The following WDR62 variants were observed in gnomAD, a reference collection of about 807,000 sequenced individuals.
WDR62 encodes WD repeat domain 62.
Under a neutral mutation model 160.6 loss-of-function variants are expected in WDR62, and 112 were observed. The observed-to-expected ratio is 0.70, with a 90% CI of 0.60 to 0.82. The LOEUF is 0.82. Ranked by LOEUF, WDR62 falls within the 40% of genes least tolerant of loss-of-function variation. The pLI, the probability that WDR62 is intolerant of heterozygous loss-of-function variation, is 0.00. For missense variants in WDR62, 1,819 were observed against 1,983.8 expected (o/e 0.92, Z 1.58); for synonymous variants, 792 against 815.1 (o/e 0.97, Z 0.48).
intron 9 of WDR62, among the ~76,000 whole-genome samples, chr19:36,075,737 T>C (rs1971540488): frequency 1.3e-5 from 2 of 152,246 alleles, no homozygotes; most frequent in Admixed American, 6.5e-5. Flanking sequence ...TGAGCCACTG[T>C]GCCTGGCCTG....
chr19:36,057,667 A>G (rs1189460696), intron 1 of WDR62, among the ~76,000 whole-genome samples: 15 of 152,150 alleles, frequency 9.9e-5, no homozygotes, highest in Admixed American at 9.8e-4. Flanking sequence ...GGCATGGGCC[A>G]CCACACCTGA....
At chr19:36,062,952 AT>A (rs59704929) in intron 3 of WDR62, among the ~76,000 whole-genome samples, 23 of 146,294 alleles carry the variant, frequency 1.6e-4, no homozygotes, top group East Asian at 4.0e-4. Context: ...GGATCTTGAC[AT>A]TTTTTTTTTT....
At position 36,082,800 on chromosome 19, in the gene WDR62, A is replaced by G. The variant is rs118160850; in HGVS notation, c.1372-263A>G. On this transcript the variant is annotated intron_variant, in intron 10 of 31. Coordinates refer to ENST00000401500, the MANE Select transcript of WDR62 (RefSeq NM_001083961.2). ...CAGTGTGGCTATGGGGGCTCCTGCTATCATATCTGAGTTCCAGGCTGCAGG... is the reference window on the plus strand; with the variant it reads ...CAGTGTGGCTATGGGGGCTCCTGCTGTCATATCTGAGTTCCAGGCTGCAGG... 0.013 allele frequency among the ~76,000 whole-genome samples: 2,049 copies of G among 152,308 alleles called. 22 individuals carry two copies. The highest frequency in any genetic ancestry group is 0.031 in the Middle Eastern group (9 of 294).
chr19:36,100,861 C>A lies in WDR62; in HGVS notation c.2853C>A (p.Val951=). Reference sequence around the variant, plus strand: ...ACTCTCTGGAGGCAGAAGTGACAGTCACAGGGACAGACAGGTGGGTGTCCT... The same window carrying A: ...ACTCTCTGGAGGCAGAAGTGACAGTAACAGGGACAGACAGGTGGGTGTCCT... ...ILYSLEAEVT[V]TGTDSQYCRK... is the part of the protein sequence containing the mutation. Residue 951 remains valine, a synonymous_variant, in exon 23 of 32, where the codon GTC becomes GTA. Coordinates refer to ENST00000401500, the MANE Select transcript of WDR62 (RefSeq NM_001083961.2). 6.2e-7 allele frequency: 1 copy of A among 1,614,210 alleles called. No individual in the cohort carries two copies. The highest frequency in any genetic ancestry group is 8.5e-7 in the Non-Finnish European group (1 of 1,180,030).
chr19:36,082,721 G>C (rs1971971125), intron 10 of WDR62, among the ~76,000 whole-genome samples: 1 of 152,204 alleles, frequency 6.6e-6, no homozygotes, highest in South Asian at 2.1e-4. Flanking sequence ...GGATCCAAGG[G>C]CCTTCCAGCT....
chr19:36,104,134 G>T lies in WDR62; in HGVS notation c.4153+153G>T, dbSNP rs62111360. Among the ~76,000 whole-genome samples, 15,624 of 152,234 alleles carry T rather than the reference G, an allele frequency of 0.1. 903 individuals carry two copies. The highest frequency in any genetic ancestry group is 0.24 in the Middle Eastern group (72 of 294). The stretch of plus-strand genomic sequence containing the variant: ...AAATATTTAATGAGCATTACATGTT[G>T]GGCTTTGTGCTAAACCCTGGGACAT... On this transcript the variant is annotated intron_variant, in intron 30 of 31. Coordinates refer to ENST00000401500, the MANE Select transcript of WDR62 (RefSeq NM_001083961.2).
chr19:36,055,220 T>C lies in WDR62; in HGVS notation c.177+72T>C, dbSNP rs1970291836. ...TTTCCCCTAGTCCCGTCCTGAGAAC[T>C]GTGGCCCCGACATCAGCCCCCGGCC... On this transcript the variant is annotated intron_variant, in intron 1 of 31. Transcript: ENST00000401500. 4 of 1,520,018 alleles carry C rather than the reference T, an allele frequency of 2.6e-6. No individual in the cohort carries two copies. In the Admixed American group the frequency reaches 7.8e-5, roughly 30 times the overall value. The allele number at this position is 1,520,018 out of a possible 1,614,324, so 94.2% of individuals were successfully genotyped here.
intron 9 of WDR62, among the ~76,000 whole-genome samples, chr19:36,076,508 A>G (rs913902301): frequency 2.6e-5 from 4 of 151,828 alleles, no homozygotes; most frequent in African/African-American, 4.8e-5. Context: ...CAGTAAGCCA[A>G]GATCAAGCCA....
In WDR62 at chr19:36,064,826, C is replaced by A. The variant is rs765665645; in HGVS notation, c.333-1132C>A. ...TTCCTGACCTCAAGTGAACCACCCACCCCTCTGCCTCCCAAAGTGCTGGGA... is the reference window on the plus strand; with the variant it reads ...TTCCTGACCTCAAGTGAACCACCCAACCCTCTGCCTCCCAAAGTGCTGGGA... On this transcript the variant is annotated intron_variant, in intron 3 of 31. Coordinates refer to ENST00000401500, the MANE Select transcript of WDR62 (RefSeq NM_001083961.2). 1.1e-4 allele frequency among the ~76,000 whole-genome samples: 16 copies of A among 152,182 alleles called. No individual in the cohort carries two copies. The South Asian group carries it at 1.9e-3, about 18-fold the overall frequency.
In WDR62 at chr19:36,055,160, C is replaced by T; in HGVS notation, c.177+12C>T. The T allele has an allele frequency of 6.2e-7, 1 of 1,603,632 alleles. No individual in the cohort carries two copies. Among genetic ancestry groups the T allele is most frequent in the Middle Eastern group, 1.7e-4 (1 of 6,026 alleles). On this transcript the variant is annotated intron_variant, in intron 1 of 31. Transcript: ENST00000401500. Reference sequence around the variant, plus strand: ...CGGTGCAGAACCGGGTGAGAAGCTGCTCGCCATGTCTACCCCAGTTCCAGG... The same window carrying T: ...CGGTGCAGAACCGGGTGAGAAGCTGTTCGCCATGTCTACCCCAGTTCCAGG...
chr19:36,086,633 G>C (rs1328171203), intron 12 of WDR62, 54 bp from the exon 13 acceptor site: 2 of 1,562,168 alleles, frequency 1.3e-6, no homozygotes, highest in African/African-American at 2.7e-5. Flanking sequence ...CCTTCTGGGA[G>C]GCCAGGGCAC....
intron 20 of WDR62, among the ~76,000 whole-genome samples, 159 bp from the exon 21 acceptor site, chr19:36,096,868 G>A (rs1972998114): frequency 2.6e-5 from 4 of 152,150 alleles, no homozygotes; most frequent in South Asian, 4.1e-4. Flanking sequence ...GTCAAATATC[G>A]CATCCCACGG....
chr19:36,101,346 G>A, intron 24 of WDR62, 29 bp downstream of exon 24: 2 of 1,578,060 alleles, frequency 1.3e-6, no homozygotes, highest in African/African-American at 2.7e-5. Flanking sequence ...GGGACCCTGT[G>A]ACAGTCTGTG....
rs2145550956 is a variant in WDR62 at position 36,062,458 on chromosome 19, TG to T, written c.332+2432del. The T allele has an allele frequency of 2.0e-5, 3 of 151,854 alleles. No homozygotes were observed. In the East Asian group the frequency reaches 5.8e-4, roughly 29 times the overall value. 9.4% of individuals were successfully genotyped at this position (151,854 alleles called of 1,614,324 possible). On this transcript the variant is annotated intron_variant, in intron 3 of 31. Coordinates refer to ENST00000401500, the MANE Select transcript of WDR62 (RefSeq NM_001083961.2). ...TGAGGTCAGGAGTTTGAGACCAGCC[TG>T]GGGAACATGGCAAAACCCTGTCTCT...
intron 13 of WDR62, among the ~76,000 whole-genome samples, chr19:36,087,945 A>G (rs1972351307): frequency 6.6e-6 from 1 of 152,250 alleles, no homozygotes; most frequent in Non-Finnish European, 1.5e-5. Flanking sequence ...TCATGGTCGT[A>G]ATATTGTTAA....
chr19:36,081,714 C>T (rs962033447), intron 10 of WDR62, 144 bp downstream of exon 10: 1 of 958,642 alleles, frequency 1.0e-6, no homozygotes, highest in African/African-American at 1.6e-5. Flanking sequence ...AGGTCCCTCT[C>T]TGCATCACTG....
intron 16 of WDR62, 35 bp from the exon 17 acceptor site, chr19:36,091,165 C>G (rs200799935): frequency 1.9e-6 from 3 of 1,577,904 alleles, no homozygotes; most frequent in African/African-American, 2.7e-5. Context: ...AAGAAGCAGG[C>G]AGCTGGAGTG....
intron 3 of WDR62, among the ~76,000 whole-genome samples, chr19:36,064,140 G>A (rs1009083979): frequency 2.0e-5 from 3 of 152,224 alleles, no homozygotes; most frequent in African/African-American, 2.4e-5. Flanking sequence ...CAGGGCATGC[G>A]ACAGGTTAGA....
chr19:36,073,537 C>T lies in WDR62; in HGVS notation c.1233+6C>T. The T allele has an allele frequency of 3.6e-6, 3 of 836,408 alleles. No homozygotes were observed. The highest frequency in any genetic ancestry group is 5.5e-6 in the Non-Finnish European group (3 of 545,698). 51.8% of individuals were successfully genotyped at this position (836,408 alleles called of 1,614,324 possible). The stretch of plus-strand genomic sequence containing the variant: ...CCTACGTTTGGAACGTGGAGGTGAG[C>T]CCCCCCCCCACCCCCTTGCCCCTGC... On this transcript the variant is annotated splice_donor_region_variant and intron_variant, in intron 9 of 31. Transcript: ENST00000401500.
Sources: gnomAD v4.1 joint callset for allele counts (sites outside exome capture counted in the v4.1 genomes callset) on GRCh38, gnomAD v4.1.1 for gene constraint, MANE v1.5 for transcripts, NCBI Gene and HGNC (gene_info 2026-07-23, HGNC 2026-07-21) for gene names.